Variants in PHACTR2 observed in about 807,000 individuals in gnomAD.
The protein encoded by PHACTR2 is phosphatase and actin regulator 2.
PHACTR2 carries 30 observed loss-of-function variants against 76.0 expected under a neutral mutation model. The observed-to-expected ratio is 0.39, with a 90% CI of 0.30 to 0.54. The LOEUF (loss-of-function observed/expected upper bound fraction) is 0.54, where lower values mean the gene tolerates loss of function less well. PHACTR2 is among the 20% of genes least tolerant of loss of function. The pLI is 0.61. For synonymous variants in PHACTR2, 292 were observed against 292.5 expected (o/e 1.00, Z 0.02); for missense variants, 696 against 781.1 (o/e 0.89, Z 1.30).
chr6:143,635,879 C>A (rs976980518), intron 1 of PHACTR2, among the ~76,000 whole-genome samples: 10 of 152,002 alleles, frequency 6.6e-5, no homozygotes, highest in African/African-American at 9.7e-5. Flanking sequence ...GATTTTGTAT[C>A]CCATTTAGAA....
At chr6:143,629,597 A>C (rs1776325517) in intron 1 of PHACTR2, among the ~76,000 whole-genome samples, 1 of 152,098 alleles carries the variant, frequency 6.6e-6, no homozygotes, top group Non-Finnish European at 1.5e-5. Context: ...TTTACTAGCC[A>C]CTTTATGGAG....
intron 11 of PHACTR2, among the ~76,000 whole-genome samples, chr6:143,790,604 A>T (rs1019794774): frequency 6.6e-6 from 1 of 151,272 alleles, no homozygotes; most frequent in Non-Finnish European, 1.5e-5. Flanking sequence ...TGGGTTGTCA[A>T]TTTTTTCTGA....
In PHACTR2 at chr6:143,765,891, A is replaced by G; in HGVS notation, c.1232+93A>G. The G allele has an allele frequency of 9.2e-7, 1 of 1,086,468 alleles. No homozygotes were observed. Among genetic ancestry groups the G allele is most frequent in the East Asian group, 2.5e-5 (1 of 40,612 alleles). 67.3% of individuals were successfully genotyped at this position (1,086,468 alleles called of 1,614,324 possible). A position where few individuals can be genotyped will look rare whatever the true frequency, so the allele number is the denominator to read the frequency against. ...TGAAGCACCGGGTTTGCTTTCTTATATAATTTAATCTACTGAGTGTTAGGT... is the reference window on the plus strand; with the variant it reads ...TGAAGCACCGGGTTTGCTTTCTTATGTAATTTAATCTACTGAGTGTTAGGT... On this transcript the variant is annotated intron_variant, in intron 6 of 12. Coordinates refer to ENST00000440869, the MANE Select transcript of PHACTR2 (RefSeq NM_001100164.2). This position sits in a 1 kb window ranked among gnomAD's most constrained non-coding sequence, Gnocchi z 4.1.
At chr6:143,752,277 T>A (rs1318894022) in intron 3 of PHACTR2, among the ~76,000 whole-genome samples, 1 of 152,108 alleles carries the variant, frequency 6.6e-6, no homozygotes, top group Non-Finnish European at 1.5e-5. Flanking sequence ...ACCTAAAAAC[T>A]GAAGATTTTT....
At chr6:143,763,818 T>A (rs1488246476) in intron 5 of PHACTR2, among the ~76,000 whole-genome samples, 2 of 152,232 alleles carry the variant, frequency 1.3e-5, no homozygotes, top group African/African-American at 4.8e-5. Context: ...TAAGTTATAA[T>A]AACATCTGTA....
chr6:143,574,389 A>G (rs1005336210), intron 1 of PHACTR2, among the ~76,000 whole-genome samples: 1 of 152,244 alleles, frequency 6.6e-6, no homozygotes, highest in African/African-American at 2.4e-5. Context: ...GATTGTACAA[A>G]GGCATGGCCA....
Position 143,765,949 on chromosome 6 carries a change from A to G in PHACTR2, c.1232+151A>G. The G allele has an allele frequency of 4.3e-6, 3 of 696,308 alleles. No homozygotes were observed. Among genetic ancestry groups the G allele is most frequent in the Admixed American group, 2.9e-5 (1 of 34,254 alleles). 43.1% of individuals were successfully genotyped at this position (696,308 alleles called of 1,614,324 possible). ...CATGTGATCCAACCATTGCTTTGTC[A>G]GAGCCCTGCCCTGGGAATGCCTAGG... On this transcript the variant is annotated intron_variant, in intron 6 of 12. Coordinates refer to ENST00000440869, the MANE Select transcript of PHACTR2 (RefSeq NM_001100164.2). This position sits in a 1 kb window ranked among gnomAD's most constrained non-coding sequence, Gnocchi z 4.1.
intron 2 of PHACTR2, among the ~76,000 whole-genome samples, chr6:143,718,322 C>A (rs7775829): frequency 0.093 from 14,193 of 152,240 alleles, 2,215 homozygotes; most frequent in African/African-American, 0.32. Flanking sequence ...TTAAGGGCTA[C>A]TATTATCCCA....
In PHACTR2 at chr6:143,617,506, TG is replaced by T. The variant is rs1364849931; in HGVS notation, c.13+9186del. On this transcript the variant is annotated intron_variant, in intron 1 of 11. Transcript: ENST00000305766. This position sits in a 1 kb window ranked among gnomAD's most constrained non-coding sequence, Gnocchi z 4.8. ...CCTAGACAAATTCAGTCCGGGACTTTGGAGTGGGGTCAGGACATTGGTGTTT... is the reference window on the plus strand; with the variant it reads ...CCTAGACAAATTCAGTCCGGGACTTTGAGTGGGGTCAGGACATTGGTGTTT... 6.6e-6 allele frequency among the ~76,000 whole-genome samples: 1 copy of T among 152,242 alleles called. No homozygotes were observed. Among genetic ancestry groups the T allele is most frequent in the Non-Finnish European group, 1.5e-5 (1 of 68,042 alleles).
Position 143,809,363 on chromosome 6 carries a change from T to TTTTG in PHACTR2, c.1922+2250_1922+2253dup, listed in dbSNP as rs771207690. Among the ~76,000 whole-genome samples, 40 of 152,126 alleles carry TTTTG rather than the reference T, an allele frequency of 2.6e-4. No individual in the cohort carries two copies. Among genetic ancestry groups the TTTTG allele is most frequent in the East Asian group, 3.9e-4 (2 of 5,180 alleles). ...GTTTTTGTGGGGGTATTTTTTGTTT[T>TTTTG]TTTGTTTGTTTGTTTGTTTGTTTTT... On this transcript the variant is annotated intron_variant, in intron 12 of 12. Transcript: ENST00000440869. This position sits in a 1 kb window ranked among gnomAD's most constrained non-coding sequence, Gnocchi z 4.2.
chr6:143,629,108 G>T (rs982277056), intron 1 of PHACTR2, among the ~76,000 whole-genome samples: 11 of 150,770 alleles, frequency 7.3e-5, no homozygotes, highest in African/African-American at 2.4e-4. Flanking sequence ...ATGAGGGAGG[G>T]TATCATTTTA....
intron 1 of PHACTR2, among the ~76,000 whole-genome samples, chr6:143,564,874 GTA>G (rs1775340058): frequency 6.6e-6 from 1 of 151,740 alleles, no homozygotes; most frequent in Non-Finnish European, 1.5e-5. Flanking sequence ...GTATTGATTG[GTA>G]TTTTTCTCCA....
Position 143,689,925 on chromosome 6 carries a change from T to C in PHACTR2, c.46+11716T>C, listed in dbSNP as rs894333921. Reference sequence around the variant, plus strand: ...TCTTGGCAATCTGGTCTTGAACTTCTGAACTCAGGTGATACACCCACCTCA... The same window carrying C: ...TCTTGGCAATCTGGTCTTGAACTTCCGAACTCAGGTGATACACCCACCTCA... On this transcript the variant is annotated intron_variant, in intron 1 of 12. Transcript: ENST00000440869. The surrounding 1 kb of genome is among the most constrained non-coding windows in gnomAD (Gnocchi z 4.4). Among the ~76,000 whole-genome samples, 6 of 152,222 alleles carry C rather than the reference T, an allele frequency of 3.9e-5. No individual in the cohort carries two copies. Among genetic ancestry groups the C allele is most frequent in the Non-Finnish European group, 5.9e-5 (4 of 68,030 alleles).
In PHACTR2 at chr6:143,724,481, C is replaced by G. The variant is rs73579882; in HGVS notation, c.214+12298C>G. ...AACATTCACCTTTTCCAGACTAGAG[C>G]AAAGGATGATGCGACCCAACTTCTT... On this transcript the variant is annotated intron_variant, in intron 2 of 12. Coordinates refer to ENST00000440869, the MANE Select transcript of PHACTR2 (RefSeq NM_001100164.2). Among the ~76,000 whole-genome samples, 1,364 of 152,196 alleles carry G rather than the reference C, an allele frequency of 9.0e-3. 19 individuals are homozygous for G. The highest frequency in any genetic ancestry group is 0.031 in the African/African-American group (1,304 of 41,522).
intron 1 of PHACTR2, among the ~76,000 whole-genome samples, chr6:143,575,303 C>A (rs1003813339): frequency 3.9e-5 from 6 of 152,246 alleles, no homozygotes; most frequent in Non-Finnish European, 8.8e-5. Flanking sequence ...TACCATATTC[C>A]TATCTTTAGG....
At position 143,773,765 on chromosome 6, in the gene PHACTR2, C is replaced by T. The variant is rs1172844879; in HGVS notation, c.1433-294C>T. The stretch of plus-strand genomic sequence containing the variant: ...ATCATTCATTTCTATGATCCACCCT[C>T]TCAGCAAAATAAACTGCAGCTATCA... On this transcript the variant is annotated intron_variant, in intron 7 of 12. Coordinates refer to ENST00000440869, the MANE Select transcript of PHACTR2 (RefSeq NM_001100164.2). Among the ~76,000 whole-genome samples, 4 of 152,206 alleles carry T rather than the reference C, an allele frequency of 2.6e-5. No individual in the cohort carries two copies. The East Asian group carries it at 7.7e-4, about 29-fold the overall frequency.
At chr6:143,582,085 C>G (rs1775581540) in intron 1 of PHACTR2, among the ~76,000 whole-genome samples, 1 of 152,148 alleles carries the variant, frequency 6.6e-6, no homozygotes, top group Non-Finnish European at 1.5e-5. Flanking sequence ...AGTCCACACC[C>G]TCACATAGAT....
intron 1 of PHACTR2, among the ~76,000 whole-genome samples, chr6:143,666,722 A>G (rs869068624): frequency 6.6e-6 from 1 of 151,850 alleles, no homozygotes; most frequent in East Asian, 1.9e-4. Flanking sequence ...TTTTGATGGG[A>G]TCATTTGTTT....
In PHACTR2 at chr6:143,757,593, TTGCTGGAAAGGC is replaced by T. The variant is rs1177067429; in HGVS notation, c.455-2806_455-2795del. On this transcript the variant is annotated intron_variant, in intron 4 of 12. Coordinates refer to ENST00000440869, the MANE Select transcript of PHACTR2 (RefSeq NM_001100164.2). The surrounding 1 kb of genome is among the most constrained non-coding windows in gnomAD (Gnocchi z 4.2). ...GAAACAGCTTGTTTTCCAGACCGCA[TTGCTGGAAAGGC>T]TAGCGTCCTTATCAAGCCAGAATGA... Among the ~76,000 whole-genome samples the T allele has an allele frequency of 6.6e-6, 1 of 152,182 alleles. No homozygotes were observed. The highest frequency in any genetic ancestry group is 2.4e-5 in the African/African-American group (1 of 41,440).
Sources: allele counts gnomAD v4.1 joint callset (sites outside exome capture counted in the v4.1 genomes callset), GRCh38; gene constraint gnomAD v4.1.1; non-coding constraint Gnocchi (gnomAD v3.1); transcripts MANE v1.5; gene names NCBI Gene and HGNC (gene_info 2026-07-23, HGNC 2026-07-21).